The following CDKL1 variants were observed in gnomAD, a reference collection of about 807,000 sequenced individuals.
CDKL1 encodes cyclin-dependent kinase-like 1.
In CDKL1, 41 loss-of-function variants were observed where a neutral mutation model predicts 42.0. The observed-to-expected ratio is 0.98, with a 90% CI of 0.76 to 1.27. The LOEUF (loss-of-function observed/expected upper bound fraction) is 1.27. Ranked by LOEUF, CDKL1 falls within the 50% of genes most tolerant of loss-of-function variation. The pLI, the probability that CDKL1 is intolerant of heterozygous loss-of-function variation, is 0.00. For synonymous variants in CDKL1, 153 were observed against 158.6 expected (o/e 0.96, Z 0.26); for missense variants, 394 against 428.4 (o/e 0.92, Z 0.71).
intron 2 of CDKL1, among the ~76,000 whole-genome samples, chr14:50,360,808 G>GTGTA (rs1476878698): frequency 6.6e-6 from 1 of 150,952 alleles, no homozygotes. Context: ...GTGTGTGTGT[G>GTGTA]TGTGTGTGTG....
At position 50,395,955 on chromosome 14, in the gene CDKL1, C is replaced by CG. The variant is rs751776668; in HGVS notation, c.-88dup. The CG allele has an allele frequency of 8.0e-6, 10 of 1,255,916 alleles. No homozygotes were observed. Among genetic ancestry groups the CG allele is most frequent in the African/African-American group, 7.4e-5 (5 of 67,598 alleles). The allele number at this position is 1,255,916 out of a possible 1,614,324, so 77.8% of individuals were successfully genotyped here. A position where few individuals can be genotyped will look rare whatever the true frequency, so the allele number is the denominator to read the frequency against. On this transcript the variant is annotated 5_prime_UTR_variant, in exon 2 of 10. Coordinates refer to ENST00000395834, the MANE Select transcript of CDKL1 (RefSeq NM_004196.7). Reference sequence around the variant, plus strand: ...ATCCCAGCACTTTGGGAGGCTGAGGCGGGCAGATCACCTGAGGTCAGGAGT... The same window carrying CG: ...ATCCCAGCACTTTGGGAGGCTGAGGCGGGGCAGATCACCTGAGGTCAGGAGT...
intron 3 of CDKL1, among the ~76,000 whole-genome samples, chr14:50,347,366 G>A (rs539891273): frequency 3.3e-5 from 5 of 152,294 alleles, no homozygotes; most frequent in East Asian, 3.8e-4. Context: ...GAGAGACAGC[G>A]TGAGAGTGCT....
At chr14:50,333,911 A>G (rs1595250979) in intron 8 of CDKL1, 2 of 150,898 alleles carry the variant, frequency 1.3e-5, no homozygotes, top group Non-Finnish European at 3.0e-5. Context: ...AAATATATAT[A>G]TCAAGTTTTT....
In CDKL1 at chr14:50,359,212, G is replaced by A; in HGVS notation, c.169-63C>T. On this transcript the variant is annotated intron_variant, in intron 2 of 9. Coordinates refer to ENST00000395834, the MANE Select transcript of CDKL1 (RefSeq NM_004196.7). ...GTGAAAGACAGCTTTCTCTAATCTT[G>A]ATCCAATAAAAAGTAAGTTGTTTGT... The A allele has an allele frequency of 1.9e-6, 3 of 1,539,954 alleles. No individual in the cohort carries two copies. The Admixed American group carries it at 5.7e-5, about 29-fold the overall frequency.
At chr14:50,331,415 A>ACAT (rs1375882145) in intron 9 of CDKL1, 1 of 152,582 alleles carries the variant, frequency 6.6e-6, no homozygotes, top group African/African-American at 2.4e-5. Context: ...GGAGAATAAA[A>ACAT]CATTAATTTT....
chr14:50,359,459 C>T (rs1264442179), intron 2 of CDKL1, among the ~76,000 whole-genome samples: 1 of 152,018 alleles, frequency 6.6e-6, no homozygotes, highest in African/African-American at 2.4e-5. Flanking sequence ...TCAAATGTCC[C>T]TTCCTAGGGT....
chr14:50,329,398 T>A lies in CDKL1; in HGVS notation c.*676A>T, dbSNP rs1566566637. The stretch of plus-strand genomic sequence containing the variant: ...ATAAATGTAGACAGATTACAGTAAA[T>A]CCACGTTGCCTGCAAAAGTGACTAA... On this transcript the variant is annotated 3_prime_UTR_variant, in exon 10 of 10. Transcript: ENST00000395834. The A allele has an allele frequency of 6.6e-6, 1 of 152,118 alleles. No individual in the cohort carries two copies. The highest frequency in any genetic ancestry group is 1.9e-4 in the East Asian group (1 of 5,188). The allele number at this position is 152,118 out of a possible 1,614,324, so 9.4% of individuals were successfully genotyped here. A position where few individuals can be genotyped will look rare whatever the true frequency, so the allele number is the denominator to read the frequency against.
At chr14:50,357,567 A>C (rs1011387143) in intron 3 of CDKL1, among the ~76,000 whole-genome samples, 11 of 152,166 alleles carry the variant, frequency 7.2e-5, no homozygotes, top group Non-Finnish European at 1.0e-4. Context: ...AACTTATCTA[A>C]AGTCTCCTCC....
intron 4 of CDKL1, among the ~76,000 whole-genome samples, chr14:50,344,055 C>T (rs1310937570): frequency 1.3e-5 from 2 of 152,210 alleles, no homozygotes; most frequent in South Asian, 4.1e-4. Context: ...ATGGCCAAAA[C>T]GAAGCTCTAA....
intron 2 of CDKL1, among the ~76,000 whole-genome samples, chr14:50,374,278 G>A (rs2034667301): frequency 6.6e-6 from 1 of 152,212 alleles, no homozygotes; most frequent in Non-Finnish European, 1.5e-5. Flanking sequence ...TGTCGGGAGG[G>A]TTGAGTAGGT....
At chr14:50,389,684 T>C (rs2035195935) in intron 2 of CDKL1, among the ~76,000 whole-genome samples, 1 of 152,084 alleles carries the variant, frequency 6.6e-6, no homozygotes, top group Admixed American at 6.6e-5. Flanking sequence ...TCTAAAATAG[T>C]CCATAGGGTT....
chr14:50,386,836 A>G (rs1210312949), intron 2 of CDKL1, among the ~76,000 whole-genome samples: 2 of 150,936 alleles, frequency 1.3e-5, no homozygotes, highest in African/African-American at 2.4e-5. Context: ...CGAGGTCAGG[A>G]GTTTGAGACC....
At chr14:50,335,711 A>G (rs1024312392) in intron 7 of CDKL1, 1 of 985,032 alleles carries the variant, frequency 1.0e-6, no homozygotes, top group African/African-American at 1.7e-5. Context: ...TTGTGTGTAT[A>G]AAAGTGGCAG....
Position 50,330,056 on chromosome 14 carries a change from T to G in CDKL1, c.*18A>C. 1 of 1,602,518 alleles carries G rather than the reference T, an allele frequency of 6.2e-7. No homozygotes were observed. The highest frequency in any genetic ancestry group is 8.5e-7 in the Non-Finnish European group (1 of 1,177,470). ...GCATCTATTGATTCCTTTTTTAAAATCATGTCTCCTAGCTCCTTTAAATGT... is the reference window on the plus strand; with the variant it reads ...GCATCTATTGATTCCTTTTTTAAAAGCATGTCTCCTAGCTCCTTTAAATGT... On this transcript the variant is annotated 3_prime_UTR_variant, in exon 10 of 10. Transcript: ENST00000395834.
At chr14:50,361,395 G>T (rs1239601192) in intron 2 of CDKL1, among the ~76,000 whole-genome samples, 1 of 152,214 alleles carries the variant, frequency 6.6e-6, no homozygotes, top group Non-Finnish European at 1.5e-5. Context: ...TAAAGCTCAT[G>T]TCTTATTAGT....
chr14:50,347,258 G>A (rs12432093), intron 3 of CDKL1, among the ~76,000 whole-genome samples: 66,974 of 151,868 alleles, frequency 0.44, 15,725 homozygotes, highest in East Asian at 0.81. Flanking sequence ...ATAATAAGAG[G>A]GGCCAGTTTT....
At chr14:50,340,440 A>G (rs1045022158) in intron 6 of CDKL1, among the ~76,000 whole-genome samples, 1 of 152,148 alleles carries the variant, frequency 6.6e-6, no homozygotes, top group Non-Finnish European at 1.5e-5. Context: ...GAAGAGGGCA[A>G]TCACTACTGA....
intron 2 of CDKL1, chr14:50,377,472 A>G: frequency 1.4e-6 from 1 of 722,706 alleles, no homozygotes; most frequent in Non-Finnish European, 1.8e-6. Context: ...CCCAAAATAA[A>G]CTCCTAACAC....
At chr14:50,368,202 C>A (rs867148433) in intron 2 of CDKL1, among the ~76,000 whole-genome samples, 1 of 152,296 alleles carries the variant, frequency 6.6e-6, no homozygotes, top group Middle Eastern at 3.4e-3. Context: ...TCAAGCCAAC[C>A]GCCCACCTCG....
Sources: gnomAD v4.1 joint callset for allele counts (sites outside exome capture counted in the v4.1 genomes callset) on GRCh38, gnomAD v4.1.1 for gene constraint, MANE v1.5 for transcripts, NCBI Gene and HGNC (gene_info 2026-07-23, HGNC 2026-07-21) for gene names.